The following TMEFF2 variants were observed in gnomAD, a reference collection of about 807,000 sequenced individuals.
The protein encoded by TMEFF2 is transmembrane protein with EGF like and two follistatin like domains 2.
A neutral mutation model predicts 53.8 loss-of-function variants in TMEFF2; 28 were observed. That is an observed-to-expected ratio of 0.52 (90% CI 0.39 to 0.71). TMEFF2 has a LOEUF of 0.71. TMEFF2 is among the 30% of genes least tolerant of loss of function. The pLI is 0.00. For missense variants in TMEFF2, 353 were observed against 455.2 expected, an observed-to-expected ratio of 0.78 and a Z score of 2.04; for synonymous variants, 162 against 166.3, an observed-to-expected ratio of 0.97 and a Z score of 0.20.
intron 4 of TMEFF2, among the ~76,000 whole-genome samples, chr2:192,159,504 G>A (rs1690584382): frequency 6.6e-6 from 1 of 152,108 alleles, no homozygotes; most frequent in Admixed American, 6.6e-5. Context: ...CAAAAGAATA[G>A]CATGAAACTT....
chr2:192,103,112 A>G (rs1049528623), intron 4 of TMEFF2, among the ~76,000 whole-genome samples: 5 of 152,106 alleles, frequency 3.3e-5, no homozygotes, highest in Admixed American at 3.3e-4. Flanking sequence ...CTATTCTATC[A>G]ATGATACTCA....
intron 5 of TMEFF2, among the ~76,000 whole-genome samples, chr2:192,004,391 G>C (rs1243669692): frequency 1.3e-5 from 2 of 152,110 alleles, no homozygotes; most frequent in Non-Finnish European, 2.9e-5. Context: ...GTGGTATTTG[G>C]GTACAGTTTC....
At chr2:192,179,478 A>T in intron 4 of TMEFF2, 190 bp downstream of exon 4, 1 of 451,750 alleles carries the variant, frequency 2.2e-6, no homozygotes, top group Non-Finnish European at 3.9e-6. Flanking sequence ...AGTATGATTC[A>T]TAAGTATGCC....
chr2:192,041,128 TAA>T (rs1687469435), intron 5 of TMEFF2, among the ~76,000 whole-genome samples: 1 of 152,038 alleles, frequency 6.6e-6, no homozygotes, highest in African/African-American at 2.4e-5. Flanking sequence ...TCATCAAAAT[TAA>T]AAAGTTTGTG....
chr2:192,113,210 T>C (rs1386614938), intron 4 of TMEFF2, among the ~76,000 whole-genome samples: 1 of 152,204 alleles, frequency 6.6e-6, no homozygotes, highest in African/African-American at 2.4e-5. Context: ...GTATTGGCAC[T>C]GTAGCAAATG....
At position 191,997,143 on chromosome 2, in the gene TMEFF2, C is replaced by T. The variant is rs976977404; in HGVS notation, c.745+1119G>A. ...AACATCTGTAAATTTCTCTCCTGGA[C>T]GCTTTGGGAATGGCTATACATTGGT... On this transcript the variant is annotated intron_variant, in intron 7 of 9. Transcript: ENST00000272771. 6.6e-5 allele frequency among the ~76,000 whole-genome samples: 10 copies of T among 151,904 alleles called. No homozygotes were observed. The South Asian group carries it at 1.0e-3, about 16-fold the overall frequency.
intron 4 of TMEFF2, among the ~76,000 whole-genome samples, chr2:192,085,471 T>G (rs1388938240): frequency 6.6e-6 from 1 of 152,090 alleles, no homozygotes; most frequent in Non-Finnish European, 1.5e-5. Flanking sequence ...GTTATTTAAA[T>G]GAATCTGACA....
chr2:192,137,241 G>A (rs1480054204), intron 4 of TMEFF2, among the ~76,000 whole-genome samples: 1 of 152,130 alleles, frequency 6.6e-6, no homozygotes, highest in Non-Finnish European at 1.5e-5. Context: ...ATTCGTGAGG[G>A]TGGGGTACCC....
chr2:192,031,588 T>C (rs1406316046), intron 5 of TMEFF2: 3 of 152,208 alleles, frequency 2.0e-5, no homozygotes, highest in African/African-American at 7.2e-5. Flanking sequence ...ATTTAACTCT[T>C]ATAAAAATCC....
chr2:191,979,114 G>A (rs1685798654), intron 7 of TMEFF2, among the ~76,000 whole-genome samples: 2 of 152,252 alleles, frequency 1.3e-5, no homozygotes, highest in African/African-American at 4.8e-5. Flanking sequence ...TTCCCAAAGT[G>A]ACCGTCTTGT....
chr2:192,140,733 T>C (rs1185070099), intron 4 of TMEFF2, among the ~76,000 whole-genome samples: 2 of 151,976 alleles, frequency 1.3e-5, no homozygotes, highest in East Asian at 1.9e-4. Flanking sequence ...AAGAGTGAAG[T>C]GGAAAGAATA....
chr2:192,118,573 C>T (rs114734914), intron 4 of TMEFF2, among the ~76,000 whole-genome samples: 219 of 152,202 alleles, frequency 1.4e-3, no homozygotes, highest in African/African-American at 4.9e-3. Flanking sequence ...AGATACTTGC[C>T]GGTTTAATTA....
intron 5 of TMEFF2, among the ~76,000 whole-genome samples, chr2:192,025,488 G>A (rs968593640): frequency 6.6e-6 from 1 of 151,942 alleles, no homozygotes; most frequent in Non-Finnish European, 1.5e-5. Context: ...AGAAGTTGGT[G>A]CAACTCTCAC....
At chr2:191,980,131 G>C (rs1685820846) in intron 7 of TMEFF2, among the ~76,000 whole-genome samples, 1 of 152,100 alleles carries the variant, frequency 6.6e-6, no homozygotes, top group African/African-American at 2.4e-5. Flanking sequence ...CAAATTCCCT[G>C]CCCTCATGGA....
intron 4 of TMEFF2, among the ~76,000 whole-genome samples, chr2:192,072,642 G>A (rs374843789): frequency 7.2e-5 from 11 of 151,928 alleles, no homozygotes; most frequent in African/African-American, 2.4e-4. Flanking sequence ...TTAATGAAAC[G>A]AAATACTTAA....
chr2:191,956,357 T>A lies in TMEFF2; in HGVS notation c.767A>T (p.Glu256Val). 6.2e-7 allele frequency: 1 copy of A among 1,613,746 alleles called. No individual in the cohort carries two copies. The highest frequency in any genetic ancestry group is 8.5e-7 in the Non-Finnish European group (1 of 1,179,856). The change falls in exon 8 of 10, where the codon GAA (glutamate) becomes GTA (valine). Residue 256 changes from glutamate to valine, a missense_variant. Around this residue, in one of 3 missense-constraint regions of TMEFF2, gnomAD observed 294 missense variants for 397.3 expected, o/e 0.74. Coordinates refer to ENST00000272771, the MANE Select transcript of TMEFF2 (RefSeq NM_016192.4). ...DYAENANKLE[E>V]SAREHHIPCP... ...AGGTATGTGGTGTTCTCTGGCACTT[T>A]CTTCTAATTTGTTAGCATTCTCTGT...
At chr2:191,992,468 A>C (rs1686129619) in intron 7 of TMEFF2, among the ~76,000 whole-genome samples, 1 of 152,080 alleles carries the variant, frequency 6.6e-6, no homozygotes, top group African/African-American at 2.4e-5. Context: ...CCCTATTTAC[A>C]CAGGTAGGCA....
chr2:192,077,976 T>C (rs1052631743), intron 4 of TMEFF2, among the ~76,000 whole-genome samples: 4 of 152,032 alleles, frequency 2.6e-5, no homozygotes, highest in Admixed American at 2.6e-4. Context: ...AGCACTAGAG[T>C]CTGCCATAAA....
chr2:191,972,146 T>C (rs1266187209), intron 7 of TMEFF2, among the ~76,000 whole-genome samples: 1 of 31,184 alleles, frequency 3.2e-5, no homozygotes, highest in Non-Finnish European at 6.3e-5. Context: ...TAGTGTTTTT[T>C]TGTTTTTTTT....
Sources: allele counts gnomAD v4.1 joint callset (sites outside exome capture counted in the v4.1 genomes callset), GRCh38; gene constraint gnomAD v4.1.1; regional missense constraint gnomAD v4.1.1; transcripts MANE v1.5; gene names NCBI Gene and HGNC (gene_info 2026-07-23, HGNC 2026-07-21).